The following ARHGAP26 variants were observed in gnomAD, a reference collection of about 807,000 sequenced individuals.
ARHGAP26 encodes rho GTPase-activating protein 26.
ARHGAP26 carries 38 observed loss-of-function variants against 104.8 expected under a neutral mutation model. The observed-to-expected ratio is 0.36, with a 90% confidence interval of 0.28 to 0.48. ARHGAP26 has a LOEUF of 0.48. ARHGAP26 is among the 20% of genes least tolerant of loss of function. ARHGAP26 has a pLI of 0.99. For missense variants in ARHGAP26, 704 were observed against 947.9 expected, an observed-to-expected ratio of 0.74 and a Z score of 3.38; for synonymous variants, 341 against 340.0, an observed-to-expected ratio of 1.00 and a Z score of -0.03.
chr5:143,204,812 A>G lies in ARHGAP26; in HGVS notation c.1989-2386A>G, dbSNP rs1808312510. 2.6e-5 allele frequency among the ~76,000 whole-genome samples: 4 copies of G among 152,318 alleles called. No individual in the cohort carries two copies. The South Asian group carries it at 8.3e-4, about 32-fold the overall frequency. On this transcript the variant is annotated intron_variant, in intron 20 of 22. Coordinates refer to ENST00000645722, the MANE Select transcript of ARHGAP26 (RefSeq NM_001135608.3). ...TCCTACTTATTAAAGTCATTTAAAA[A>G]AAAAAAAGTTGGAAGGACTTTTTAA...
chr5:142,936,199 CAT>C (rs1461234801), intron 11 of ARHGAP26, among the ~76,000 whole-genome samples: 3 of 151,542 alleles, frequency 2.0e-5, no homozygotes, highest in Non-Finnish European at 4.4e-5. Context: ...ACAAGATAGA[CAT>C]ATGCACAAAA....
chr5:142,900,401 T>C (rs2152449398), intron 6 of ARHGAP26, among the ~76,000 whole-genome samples: 1 of 152,184 alleles, frequency 6.6e-6, no homozygotes, highest in Non-Finnish European at 1.5e-5. Flanking sequence ...ATGCCTACTC[T>C]CCCACCACCC....
intron 11 of ARHGAP26, among the ~76,000 whole-genome samples, chr5:142,976,224 AG>A (rs764980234): frequency 6.6e-5 from 10 of 152,246 alleles, no homozygotes; most frequent in South Asian, 2.1e-4. Context: ...GCTTCCATAA[AG>A]TACTCCTTTA....
At chr5:142,805,722 T>G (rs979555115) in intron 1 of ARHGAP26, among the ~76,000 whole-genome samples, 1 of 152,210 alleles carries the variant, frequency 6.6e-6, no homozygotes, top group Non-Finnish European at 1.5e-5. Flanking sequence ...GGACAGATTT[T>G]AGTAGGAAGG....
intron 5 of ARHGAP26, among the ~76,000 whole-genome samples, chr5:142,891,115 G>A (rs993711364): frequency 6.6e-6 from 1 of 151,880 alleles, no homozygotes; most frequent in African/African-American, 2.4e-5. Context: ...TTGGATTTGC[G>A]CTACAAGAAG....
At chr5:142,875,472 C>T (rs1755953989) in intron 3 of ARHGAP26, among the ~76,000 whole-genome samples, 1 of 152,078 alleles carries the variant, frequency 6.6e-6, no homozygotes, top group Non-Finnish European at 1.5e-5. Flanking sequence ...TTTTGGGCGT[C>T]GGATTCTCTA....
intron 1 of ARHGAP26, among the ~76,000 whole-genome samples, chr5:142,837,643 G>T (rs902705427): frequency 6.6e-6 from 1 of 152,178 alleles, no homozygotes; most frequent in Non-Finnish European, 1.5e-5. Context: ...TTTCCCTGCA[G>T]TAGAAGATAC....
chr5:143,068,997 C>T (rs1390239173), intron 17 of ARHGAP26, among the ~76,000 whole-genome samples: 1 of 152,156 alleles, frequency 6.6e-6, no homozygotes, highest in African/African-American at 2.4e-5. Flanking sequence ...ACCATACTCT[C>T]CTGGTTTTCC....
At chr5:142,915,266 G>A (rs1002240529) in intron 10 of ARHGAP26, among the ~76,000 whole-genome samples, 2 of 151,934 alleles carry the variant, frequency 1.3e-5, no homozygotes, top group Non-Finnish European at 2.9e-5. Flanking sequence ...CTTGCGAGTC[G>A]ATTGCTCCTG....
intron 14 of ARHGAP26, among the ~76,000 whole-genome samples, chr5:143,049,276 A>G (rs925754657): frequency 4.6e-5 from 7 of 152,208 alleles, no homozygotes; most frequent in African/African-American, 1.7e-4. Flanking sequence ...AAAAATTCTC[A>G]AACTTGTCCT....
intron 1 of ARHGAP26, among the ~76,000 whole-genome samples, chr5:142,828,296 A>G (rs1195503445): frequency 6.6e-6 from 1 of 152,218 alleles, no homozygotes; most frequent in Non-Finnish European, 1.5e-5. Flanking sequence ...CTGAAAGATT[A>G]TTCCTGCACT....
At chr5:142,963,196 A>ATGTGTGTGTG (rs1381593823) in intron 11 of ARHGAP26, among the ~76,000 whole-genome samples, 8 of 100,746 alleles carry the variant, frequency 7.9e-5, no homozygotes, top group African/African-American at 4.7e-4. Flanking sequence ...ATATATATAT[A>ATGTGTGTGTG]TATGTGTGTG....
chr5:143,106,461 T>C (rs1264290546), intron 17 of ARHGAP26, among the ~76,000 whole-genome samples: 2 of 138,938 alleles, frequency 1.4e-5, no homozygotes, highest in East Asian at 2.1e-4. Context: ...ATACAATGCA[T>C]TGGGCTTTTT....
At chr5:143,092,272 T>C (rs148487036) in intron 17 of ARHGAP26, among the ~76,000 whole-genome samples, 12,330 of 151,036 alleles carry the variant, frequency 0.082, 892 homozygotes, top group East Asian at 0.28. Flanking sequence ...CACGCCATTC[T>C]CCTGCCTCGG....
intron 12 of ARHGAP26, among the ~76,000 whole-genome samples, chr5:143,024,940 C>T (rs1343184736): frequency 6.6e-6 from 1 of 152,090 alleles, no homozygotes; most frequent in Non-Finnish European, 1.5e-5. Flanking sequence ...TTTCTCCAAG[C>T]CTCAGTTTCT....
intron 11 of ARHGAP26, among the ~76,000 whole-genome samples, chr5:142,980,352 CTTTATTTTAT>C (rs35267021): frequency 0.017 from 2,191 of 131,522 alleles, 34 homozygotes; most frequent in African/African-American, 0.039. Flanking sequence ...CTCTAGGAAC[CTTTATTTTAT>C]TTTATTTTAT....
intron 9 of ARHGAP26, among the ~76,000 whole-genome samples, chr5:142,909,086 A>T (rs998259775): frequency 9.9e-5 from 15 of 152,154 alleles, no homozygotes; most frequent in African/African-American, 2.9e-4. Flanking sequence ...GTCTCTTCCA[A>T]TAACTCTGGA....
At chr5:142,984,965 C>T (rs903641503) in intron 11 of ARHGAP26, among the ~76,000 whole-genome samples, 26 of 151,558 alleles carry the variant, frequency 1.7e-4, no homozygotes, top group African/African-American at 5.8e-4. Context: ...GACCTTCAGG[C>T]GGTATTCCAG....
At chr5:142,945,474 T>C (rs1766965795) in intron 11 of ARHGAP26, among the ~76,000 whole-genome samples, 2 of 152,250 alleles carry the variant, frequency 1.3e-5, no homozygotes, top group South Asian at 4.1e-4. Context: ...AGGAGGTTGG[T>C]GTGAGGGAGG....
Sources: gnomAD v4.1 joint callset for allele counts (sites outside exome capture counted in the v4.1 genomes callset) on GRCh38, gnomAD v4.1.1 for gene constraint, MANE v1.5 for transcripts, NCBI Gene and HGNC (gene_info 2026-07-23, HGNC 2026-07-21) for gene names.